RANBP17: variants seen among roughly 807,000 people sequenced by gnomAD.
The protein encoded by RANBP17 is RAN binding protein 17, also known as ran-binding protein 17.
RANBP17 carries 158 observed loss-of-function variants against 141.2 expected under a neutral mutation model. The ratio of observed to expected loss-of-function variants is 1.12; its 90% CI spans 0.98 to 1.28. The LOEUF (loss-of-function observed/expected upper bound fraction) is 1.28. Among genes scored for constraint, RANBP17 ranks in the 50% most tolerant of loss-of-function variants. The pLI is 0.00. For missense variants in RANBP17, 1,438 were observed against 1,290.7 expected (o/e 1.11, Z -1.75); for synonymous variants, 430 against 450.0 (o/e 0.96, Z 0.56).
In RANBP17 at chr5:171,199,605, A is replaced by G. The variant is rs145658490; in HGVS notation, c.2039-65A>G. On this transcript the variant is annotated intron_variant, in intron 18 of 27. Coordinates refer to ENST00000523189, the MANE Select transcript of RANBP17 (RefSeq NM_022897.5). Reference sequence around the variant, plus strand: ...TTTCTAAGCCTAAATGAAGCACTCAATGCTGAGGACAATGTACAATTCTAT... The same window carrying G: ...TTTCTAAGCCTAAATGAAGCACTCAGTGCTGAGGACAATGTACAATTCTAT... The G allele has an allele frequency of 6.7e-4, 660 of 988,196 alleles. 4 individuals are homozygous for G. The African/African-American group carries it at 7.2e-3, about 11-fold the overall frequency. The allele number at this position is 988,196 out of a possible 1,614,324, so 61.2% of individuals were successfully genotyped here.
intron 14 of RANBP17, among the ~76,000 whole-genome samples, chr5:171,020,694 A>T (rs1405869964): frequency 6.6e-6 from 1 of 151,888 alleles, no homozygotes; most frequent in South Asian, 2.1e-4. Context: ...GGTCTCCTGA[A>T]TACAGCACAC....
chr5:170,950,414 G>T (rs553573298), intron 12 of RANBP17, among the ~76,000 whole-genome samples: 21 of 152,102 alleles, frequency 1.4e-4, no homozygotes, highest in African/African-American at 4.8e-4. Context: ...CAAATAAGTG[G>T]CAGTCAAATG....
At chr5:171,016,362 T>G (rs940038345) in intron 14 of RANBP17, among the ~76,000 whole-genome samples, 18 of 152,230 alleles carry the variant, frequency 1.2e-4, no homozygotes, top group African/African-American at 4.1e-4. Flanking sequence ...AAGCTATTCT[T>G]AGCTTACATA....
intron 22 of RANBP17, among the ~76,000 whole-genome samples, chr5:171,230,095 T>C (rs1185081645): frequency 2.6e-5 from 4 of 152,038 alleles, no homozygotes; most frequent in Admixed American, 1.3e-4. Context: ...ATCTTATAGA[T>C]TCTTCCCTTA....
chr5:170,881,946 T>C (rs757146531), intron 3 of RANBP17, 50 bp downstream of exon 3: 1 of 1,246,040 alleles, frequency 8.0e-7, no homozygotes, highest in Non-Finnish European at 1.1e-6. Context: ...AAAATCTTTT[T>C]CTTTTAAATA....
chr5:171,171,674 AT>A (rs1760111876), intron 16 of RANBP17, among the ~76,000 whole-genome samples: 1 of 152,022 alleles, frequency 6.6e-6, no homozygotes, highest in South Asian at 2.1e-4. Context: ...TGTTCTAAAA[AT>A]ATTACCTTAT....
intron 22 of RANBP17, among the ~76,000 whole-genome samples, chr5:171,225,980 C>T (rs1192151521): frequency 6.6e-6 from 1 of 152,150 alleles, no homozygotes; most frequent in Non-Finnish European, 1.5e-5. Context: ...CCTGTTTGTA[C>T]AGCCCAGGTA....
intron 5 of RANBP17, among the ~76,000 whole-genome samples, chr5:170,902,281 C>T (rs1160129920): frequency 6.6e-6 from 1 of 152,032 alleles, no homozygotes; most frequent in Non-Finnish European, 1.5e-5. Flanking sequence ...TGTTATTAAT[C>T]TCTGATATCC....
At chr5:171,204,789 A>T (rs567624619) in intron 19 of RANBP17, among the ~76,000 whole-genome samples, 1 of 152,262 alleles carries the variant, frequency 6.6e-6, no homozygotes, top group Non-Finnish European at 1.5e-5. Flanking sequence ...TTTACTGTGT[A>T]TCAAGCTCTG....
intron 1 of RANBP17, among the ~76,000 whole-genome samples, chr5:170,865,686 C>T (rs993823238): frequency 5.9e-5 from 9 of 152,158 alleles, no homozygotes; most frequent in African/African-American, 2.2e-4. Flanking sequence ...CTGGAATTAG[C>T]CATACTGAGA....
chr5:170,878,286 A>T, intron 2 of RANBP17, 43 bp downstream of exon 2: 1 of 1,479,944 alleles, frequency 6.8e-7, no homozygotes, highest in Non-Finnish European at 9.1e-7. Context: ...AGATCAGTAG[A>T]TGTATGTCAT....
chr5:171,220,536 C>T (rs2127980533), intron 21 of RANBP17, among the ~76,000 whole-genome samples: 1 of 150,882 alleles, frequency 6.6e-6, no homozygotes, highest in South Asian at 2.1e-4. Context: ...GCAACCTCCA[C>T]CTCCCAGGTT....
intron 25 of RANBP17, among the ~76,000 whole-genome samples, chr5:171,275,812 AC>A (rs891873849): frequency 9.2e-5 from 14 of 151,884 alleles, no homozygotes; most frequent in African/African-American, 3.4e-4. Flanking sequence ...AGGTTCCCCT[AC>A]CCCCACCCCT....
intron 14 of RANBP17, among the ~76,000 whole-genome samples, chr5:171,000,767 G>A (rs761048816): frequency 1.3e-5 from 2 of 152,124 alleles, no homozygotes; most frequent in African/African-American, 2.4e-5. Context: ...GCAGGGGGTG[G>A]ATCTCACAAA....
intron 14 of RANBP17, among the ~76,000 whole-genome samples, chr5:171,028,474 AAT>A (rs1163377164): frequency 6.6e-6 from 1 of 152,178 alleles, no homozygotes; most frequent in Non-Finnish European, 1.5e-5. Context: ...GCATAGCTGT[AAT>A]ATGTGAAGAT....
At position 171,021,960 on chromosome 5, in the gene RANBP17, C is replaced by CT. The variant is rs1453321661; in HGVS notation, c.1710+53589dup. Among the ~76,000 whole-genome samples the CT allele has an allele frequency of 9.6e-4, 145 of 151,766 alleles. 2 individuals are homozygous for CT. The highest frequency in any genetic ancestry group is 3.4e-3 in the Middle Eastern group (1 of 294). ...CCCTTGAATGGGGTTTTTCTGTGGA[C>CT]TTTTTTGTTGTTGTTGTTGATGCTC... On this transcript the variant is annotated intron_variant, in intron 14 of 27. Transcript: ENST00000523189.
At chr5:170,934,242 C>CT (rs1773663588) in intron 12 of RANBP17, among the ~76,000 whole-genome samples, 1 of 151,694 alleles carries the variant, frequency 6.6e-6, no homozygotes, top group African/African-American at 2.4e-5. Context: ...GCAACCCCTG[C>CT]TTTTTTTGTT....
intron 14 of RANBP17, among the ~76,000 whole-genome samples, chr5:171,001,260 C>T (rs1461053458): frequency 6.6e-6 from 1 of 151,964 alleles, no homozygotes; most frequent in African/African-American, 2.4e-5. Flanking sequence ...GAGCGTTTGT[C>T]ATATCGAATT....
chr5:171,053,883 ATATATATATATATATATATATATATATAT>A (rs1783143911), intron 14 of RANBP17, among the ~76,000 whole-genome samples: 6 of 10,108 alleles, frequency 5.9e-4, no homozygotes, highest in Non-Finnish European at 6.6e-4. Flanking sequence ...TAGTTCATAT[ATATATATATATATATATATATATATATAT>A]ATATATATAT....
Sources: gnomAD v4.1 joint callset for allele counts (sites outside exome capture counted in the v4.1 genomes callset) on GRCh38, gnomAD v4.1.1 for gene constraint, MANE v1.5 for transcripts, NCBI Gene and HGNC (gene_info 2026-07-23, HGNC 2026-07-21) for gene names.